The following C10orf67 variants were observed in gnomAD, a reference collection of about 807,000 sequenced individuals.
The protein encoded by C10orf67 is uncharacterized protein C10orf67, mitochondrial.
In C10orf67, 60 loss-of-function variants were observed where a neutral mutation model predicts 35.6. That is an observed-to-expected ratio of 1.68 (90% CI 1.37 to 2.09). C10orf67 has a LOEUF of 2.09. Among genes scored for constraint, C10orf67 ranks in the 30% most tolerant of loss-of-function variants. The probability of loss-of-function intolerance (pLI) is 0.00; values close to 1 mark genes in which losing one functional copy is unlikely to be tolerated. For synonymous variants in C10orf67, 167 were observed against 115.8 expected (o/e 1.44, Z -2.84); for missense variants, 474 against 330.2 (o/e 1.44, Z -3.38).
intron 2 of C10orf67, among the ~76,000 whole-genome samples, chr10:23,332,541 G>A: frequency 6.6e-6 from 1 of 151,986 alleles, no homozygotes; most frequent in East Asian, 1.9e-4. Context: ...AAAATTAGCT[G>A]GGCATTGTGG....
At chr10:23,291,620 G>C (rs1843721705) in intron 5 of C10orf67, among the ~76,000 whole-genome samples, 1 of 152,216 alleles carries the variant, frequency 6.6e-6, no homozygotes, top group South Asian at 2.1e-4. Flanking sequence ...GTGTGTGTCT[G>C]AAGTGCTGTC....
chr10:23,215,991 A>G (rs942334200), intron 15 of C10orf67, among the ~76,000 whole-genome samples: 7 of 152,172 alleles, frequency 4.6e-5, no homozygotes, highest in Non-Finnish European at 8.8e-5. Flanking sequence ...TACAATAAAC[A>G]TCATACTTCA....
intron 7 of C10orf67, among the ~76,000 whole-genome samples, chr10:23,289,553 A>C (rs1397900463): frequency 2.0e-5 from 3 of 152,258 alleles, no homozygotes; most frequent in African/African-American, 7.2e-5. Flanking sequence ...ATGAACATCA[A>C]CTAACATCTG....
chr10:23,292,112 G>A (rs1206341914), intron 5 of C10orf67, among the ~76,000 whole-genome samples: 3 of 149,306 alleles, frequency 2.0e-5, no homozygotes, highest in Non-Finnish European at 3.0e-5. Flanking sequence ...TCCATTATGG[G>A]AGAGCTTTTT....
At chr10:23,247,169 G>A (rs1393067283) in intron 12 of C10orf67, among the ~76,000 whole-genome samples, 1 of 151,854 alleles carries the variant, frequency 6.6e-6, no homozygotes, top group African/African-American at 2.4e-5. Flanking sequence ...AGTGTCTAGT[G>A]TTTACAAAAT....
At chr10:23,236,152 G>A (rs1404414583) in intron 13 of C10orf67, among the ~76,000 whole-genome samples, 1 of 151,558 alleles carries the variant, frequency 6.6e-6, no homozygotes, top group Non-Finnish European at 1.5e-5. Flanking sequence ...GGGAGGCTGA[G>A]GCAGGAGAAT....
intron 8 of C10orf67, among the ~76,000 whole-genome samples, chr10:23,271,321 AATGT>A (rs879919443): frequency 6.6e-5 from 10 of 152,236 alleles, no homozygotes; most frequent in Non-Finnish European, 1.2e-4. Context: ...TCTATCTATT[AATGT>A]ATACCAGAGG....
intron 4 of C10orf67, among the ~76,000 whole-genome samples, chr10:23,310,240 G>A (rs1294127647): frequency 6.6e-6 from 1 of 152,080 alleles, no homozygotes; most frequent in Non-Finnish European, 1.5e-5. Context: ...AAAGAAAATG[G>A]GAAGAAAGCA....
At chr10:23,320,474 A>G (rs1844902372) in intron 4 of C10orf67, among the ~76,000 whole-genome samples, 2 of 152,218 alleles carry the variant, frequency 1.3e-5, no homozygotes, top group African/African-American at 4.8e-5. Flanking sequence ...CTATTCAGCT[A>G]TGGCCTCACC....
At chr10:23,253,357 C>T (rs1222485626) in intron 10 of C10orf67, among the ~76,000 whole-genome samples, 3 of 152,142 alleles carry the variant, frequency 2.0e-5, no homozygotes, top group Non-Finnish European at 4.4e-5. Context: ...GTCCCTCCAC[C>T]TATTTGTTCT....
chr10:23,311,214 C>A (rs1844480651), intron 4 of C10orf67, among the ~76,000 whole-genome samples: 1 of 152,194 alleles, frequency 6.6e-6, no homozygotes, highest in Non-Finnish European at 1.5e-5. Context: ...ATTTTAACAT[C>A]CCATCTTAGG....
At chr10:23,340,489 C>A (rs1203441149) in intron 1 of C10orf67, among the ~76,000 whole-genome samples, 1 of 152,146 alleles carries the variant, frequency 6.6e-6, no homozygotes, top group African/African-American at 2.4e-5. Flanking sequence ...CACTGCACTC[C>A]AGCCTGGGTG....
At chr10:23,257,075 A>T (rs1479657075) in intron 10 of C10orf67, among the ~76,000 whole-genome samples, 1 of 152,210 alleles carries the variant, frequency 6.6e-6, no homozygotes, top group African/African-American at 2.4e-5. Context: ...CAAAAGAAAC[A>T]GGTTGCTCCC....
At chr10:23,320,620 G>A (rs757967847) in intron 4 of C10orf67, 121 bp downstream of exon 4, 18 of 689,554 alleles carry the variant, frequency 2.6e-5, no homozygotes, top group Admixed American at 7.9e-5. Flanking sequence ...CCTGAAAATC[G>A]AGGAAACAGG....
chr10:23,327,350 G>C (rs1282226934), intron 2 of C10orf67, among the ~76,000 whole-genome samples: 1 of 152,042 alleles, frequency 6.6e-6, no homozygotes, highest in Non-Finnish European at 1.5e-5. Flanking sequence ...CAATTTATAA[G>C]AGATATATCT....
At chr10:23,230,848 G>A (rs1841888055) in intron 13 of C10orf67, among the ~76,000 whole-genome samples, 2 of 152,210 alleles carry the variant, frequency 1.3e-5, no homozygotes, top group Admixed American at 6.5e-5. Flanking sequence ...AGACCATATG[G>A]AACACTAGAA....
At chr10:23,244,078 G>C (rs1041132798) in intron 12 of C10orf67, among the ~76,000 whole-genome samples, 8 of 152,048 alleles carry the variant, frequency 5.3e-5, no homozygotes, top group Admixed American at 2.0e-4. Context: ...TTTTTGTATA[G>C]ATGGGTTTCA....
intron 6 of C10orf67, 88 bp from the exon 7 acceptor site, chr10:23,290,046 G>C: frequency 2.9e-6 from 2 of 684,124 alleles, no homozygotes; most frequent in Admixed American, 2.3e-5. Flanking sequence ...CAGGCTGTGG[G>C]GCACTAGCAG....
chr10:23,218,644 A>G (rs1040102716), intron 15 of C10orf67, among the ~76,000 whole-genome samples: 2 of 152,188 alleles, frequency 1.3e-5, no homozygotes, highest in African/African-American at 4.8e-5. Context: ...TGATGGTAAC[A>G]AGGGAAGTAA....
Sources: allele counts gnomAD v4.1 joint callset (sites outside exome capture counted in the v4.1 genomes callset), GRCh38; gene constraint gnomAD v4.1.1; transcripts MANE v1.5; gene names NCBI Gene and HGNC (gene_info 2026-07-23, HGNC 2026-07-21).